DYNC1I2: variants seen among roughly 807,000 people sequenced by gnomAD.
DYNC1I2 encodes the protein dynein cytoplasmic 1 intermediate chain 2, also known as cytoplasmic dynein 1 intermediate chain 2.
Under a neutral mutation model 88.6 loss-of-function variants are expected in DYNC1I2, and 53 were observed. The ratio of observed to expected loss-of-function variants is 0.60; its 90% CI spans 0.48 to 0.75. The LOEUF (loss-of-function observed/expected upper bound fraction) is 0.75, where lower values mean the gene tolerates loss of function less well. DYNC1I2 is among the 30% of genes least tolerant of loss of function. The pLI is 0.00. For missense variants in DYNC1I2, 458 were observed against 766.6 expected, an observed-to-expected ratio of 0.60 and a Z score of 4.75; for synonymous variants, 198 against 254.6, an observed-to-expected ratio of 0.78 and a Z score of 2.12.
At chr2:171,722,463 A>G (rs757007554) in intron 7 of DYNC1I2, among the ~76,000 whole-genome samples, 12 of 152,168 alleles carry the variant, frequency 7.9e-5, no homozygotes, top group African/African-American at 1.9e-4. Context: ...ATATTCATCA[A>G]TAAATTGATG....
intron 3 of DYNC1I2, among the ~76,000 whole-genome samples, chr2:171,699,867 C>T (rs1686109208): frequency 1.3e-5 from 2 of 152,094 alleles, no homozygotes; most frequent in African/African-American, 2.4e-5. Context: ...TTTCAAGCTC[C>T]TGGCCTCAAG....
intron 16 of DYNC1I2, among the ~76,000 whole-genome samples, chr2:171,745,516 CAACA>C (rs1437768589): frequency 6.6e-6 from 1 of 151,968 alleles, no homozygotes; most frequent in Non-Finnish European, 1.5e-5. Context: ...GACATTAAAA[CAACA>C]AAAAAGGATT....
At chr2:171,747,500 T>C (rs986935575) in intron 17 of DYNC1I2, among the ~76,000 whole-genome samples, 2 of 151,984 alleles carry the variant, frequency 1.3e-5, no homozygotes, top group Non-Finnish European at 2.9e-5. Flanking sequence ...AGATGGTGCA[T>C]AGGAGTTATA....
chr2:171,730,047 G>A (rs1688504456), intron 15 of DYNC1I2, among the ~76,000 whole-genome samples, 194 bp downstream of exon 15: 2 of 152,296 alleles, frequency 1.3e-5, no homozygotes, highest in South Asian at 4.1e-4. Flanking sequence ...AACAAGTATG[G>A]TAACCCTACG....
Position 171,731,623 on chromosome 2 carries a change from C to T in DYNC1I2, c.1536+1770C>T, listed in dbSNP as rs373133144. Among the ~76,000 whole-genome samples, 14 of 152,100 alleles carry T rather than the reference C, an allele frequency of 9.2e-5. No individual in the cohort carries two copies. The East Asian group carries it at 1.2e-3, about 13-fold the overall frequency. ...TAAAAATTAGCCATGCATGGTGGTG[C>T]GCACCTGTGGTCCTAGCTACTTGGG... is the stretch of plus-strand genomic sequence containing the variant. On this transcript the variant is annotated intron_variant, in intron 15 of 17. Coordinates refer to ENST00000397119, the MANE Select transcript of DYNC1I2 (RefSeq NM_001378.3).
rs1044487779 is a variant in DYNC1I2, at chr2:171,745,935, A to G, written c.1803+8A>G. 6.2e-7 allele frequency: 1 copy of G among 1,612,500 alleles called. No homozygotes were observed. Among genetic ancestry groups the G allele is most frequent in the African/African-American group, 1.3e-5 (1 of 74,774 alleles). ...ATATACGATGTGGGAGAGGTATGGG[A>G]CTCCCTGCCTGTAATTTTGACACAT... On this transcript the variant is annotated splice_region_variant and intron_variant, in intron 17 of 17. Coordinates refer to ENST00000397119, the MANE Select transcript of DYNC1I2 (RefSeq NM_001378.3).
chr2:171,695,122 C>T (rs1429223649), intron 3 of DYNC1I2, among the ~76,000 whole-genome samples: 1 of 151,222 alleles, frequency 6.6e-6, no homozygotes, highest in Non-Finnish European at 1.5e-5. Context: ...TTTTTTGAGA[C>T]GGAGTCTTGC....
In DYNC1I2 at chr2:171,725,954, C is replaced by G. The variant is rs1270964934; in HGVS notation, c.643C>G (p.Gln215Glu). The part of the protein sequence containing the change: ...PHELTEEEKQ[Q>E]ILHSEEFLSF... The stretch of plus-strand genomic sequence containing the variant: ...TGAGCTGACTGAAGAAGAAAAGCAA[C>G]AAATCTTGCACTCTGAGGAATTTTT... The change falls in exon 9 of 18, where the codon CAA (glutamine) becomes GAA (glutamate). Residue 215 changes from glutamine (Q) to glutamate (E), a missense_variant. Gln to Glu is a conservative substitution (Grantham distance 29, BLOSUM62 2). This residue lies in a region of DYNC1I2 where 203 missense variants were observed against 354.2 expected (regional missense o/e 0.57). Coordinates refer to ENST00000397119, the MANE Select transcript of DYNC1I2 (RefSeq NM_001378.3). 3.8e-6 allele frequency: 6 copies of G among 1,581,360 alleles called. No homozygotes were observed. Among genetic ancestry groups the G allele is most frequent in the Non-Finnish European group, 5.1e-6 (6 of 1,171,092 alleles).
chr2:171,712,680 T>C (rs1687205678), intron 5 of DYNC1I2, 87 bp from the exon 6 acceptor site: 1 of 930,824 alleles, frequency 1.1e-6, no homozygotes, highest in Non-Finnish European at 1.7e-6. Flanking sequence ...AATAGTACTT[T>C]AGCTTTAGCT....
intron 5 of DYNC1I2, among the ~76,000 whole-genome samples, chr2:171,709,825 C>T (rs1475658790): frequency 1.3e-5 from 2 of 152,146 alleles, no homozygotes; most frequent in African/African-American, 4.8e-5. Context: ...TCAAGCGATT[C>T]TCCTGCCTCA....
At chr2:171,746,155 T>G (rs1191330478) in intron 17 of DYNC1I2, among the ~76,000 whole-genome samples, 1 of 152,226 alleles carries the variant, frequency 6.6e-6, no homozygotes, top group African/African-American at 2.4e-5. Flanking sequence ...AATAAATACA[T>G]TGAAAATACC....
chr2:171,743,930 A>C, intron 15 of DYNC1I2, 119 bp from the exon 16 acceptor site: 1 of 905,056 alleles, frequency 1.1e-6, no homozygotes, highest in East Asian at 3.1e-5. Flanking sequence ...GGCTGAGTTA[A>C]ATATCATAAA....
intron 1 of DYNC1I2, among the ~76,000 whole-genome samples, chr2:171,688,853 A>G (rs1032794845): frequency 2.6e-5 from 4 of 152,164 alleles, no homozygotes; most frequent in Admixed American, 2.6e-4. Flanking sequence ...ACAGTTTTCC[A>G]GAGGTTATTC....
intron 1 of DYNC1I2, among the ~76,000 whole-genome samples, chr2:171,689,406 TA>T (rs1685215089): frequency 6.6e-6 from 1 of 152,226 alleles, no homozygotes; most frequent in Admixed American, 6.5e-5. Flanking sequence ...CAGTTTGACC[TA>T]TTGTTTTTTA....
rs949869075 is a variant in DYNC1I2, at chr2:171,749,752, A to T, written c.*1863A>T. On this transcript the variant is annotated 3_prime_UTR_variant, in exon 18 of 18. Transcript: ENST00000397119. ...TACTCCCCCAGAAAATGCGATGTAT[A>T]CCTTTGCCCATTCAACTTTAGTCCA... Among the ~76,000 whole-genome samples the T allele has an allele frequency of 7.2e-5, 11 of 152,136 alleles. No homozygotes were observed. Among genetic ancestry groups the T allele is most frequent in the South Asian group, 2.1e-4 (1 of 4,824 alleles).
chr2:171,736,144 C>T (rs1688988852), intron 15 of DYNC1I2, among the ~76,000 whole-genome samples: 1 of 152,176 alleles, frequency 6.6e-6, no homozygotes, highest in Admixed American at 6.5e-5. Flanking sequence ...CATATTTAGA[C>T]AAGTTAAGAT....
intron 15 of DYNC1I2, among the ~76,000 whole-genome samples, chr2:171,732,184 T>G (rs1191402424): frequency 6.6e-6 from 1 of 152,098 alleles, no homozygotes; most frequent in Non-Finnish European, 1.5e-5. Context: ...GCCAACATGG[T>G]GAAACCCCGT....
intron 1 of DYNC1I2, among the ~76,000 whole-genome samples, chr2:171,689,346 G>C (rs909932611): frequency 6.6e-6 from 1 of 152,178 alleles, no homozygotes; most frequent in East Asian, 1.9e-4. Flanking sequence ...GGTAACTCCT[G>C]CGTTTTGCTT....
intron 3 of DYNC1I2, among the ~76,000 whole-genome samples, chr2:171,698,837 C>G (rs904168499): frequency 3.3e-5 from 5 of 151,988 alleles, no homozygotes; most frequent in Admixed American, 2.6e-4. Flanking sequence ...CCACTGCACT[C>G]CAGCCTGAGT....
Sources: gnomAD v4.1 joint callset for allele counts (sites outside exome capture counted in the v4.1 genomes callset) on GRCh38, gnomAD v4.1.1 for gene constraint, gnomAD v4.1.1 regional missense constraint, MANE v1.5 for transcripts, NCBI Gene and HGNC (gene_info 2026-07-23, HGNC 2026-07-21) for gene names.